The following ROR2 variants were observed in gnomAD, a reference collection of about 807,000 sequenced individuals.
The protein encoded by ROR2 is tyrosine-protein kinase transmembrane receptor ROR2.
Under a neutral mutation model 74.9 loss-of-function variants are expected in ROR2, and 33 were observed. The observed-to-expected ratio is 0.44, with a 90% CI of 0.33 to 0.59. ROR2 has a LOEUF of 0.59. ROR2 is among the 20% of genes least tolerant of loss of function. The probability of loss-of-function intolerance (pLI) is 0.02; values close to 1 mark genes in which losing one functional copy is unlikely to be tolerated. For missense variants in ROR2, 1,216 were observed against 1,313.8 expected, an observed-to-expected ratio of 0.93 and a Z score of 1.15; for synonymous variants, 586 against 558.7, an observed-to-expected ratio of 1.05 and a Z score of -0.69.
chr9:91,862,330 C>CA (rs926042604), intron 1 of ROR2, among the ~76,000 whole-genome samples: 25 of 143,576 alleles, frequency 1.7e-4, no homozygotes, highest in East Asian at 1.4e-3. Context: ...ACTCCATCAC[C>CA]AAAAAAAAAA....
At chr9:91,946,311 G>A (rs895675958) in intron 1 of ROR2, among the ~76,000 whole-genome samples, 14 of 152,200 alleles carry the variant, frequency 9.2e-5, no homozygotes, top group Non-Finnish European at 1.8e-4. Flanking sequence ...ATATCCTAAT[G>A]ACAATGTATG....
At chr9:91,786,354 GTAAATAAA>G (rs35820427) in intron 1 of ROR2, among the ~76,000 whole-genome samples, 42 of 148,698 alleles carry the variant, frequency 2.8e-4, no homozygotes, top group Non-Finnish European at 3.9e-4. Context: ...CAATCAATAA[GTAAATAAA>G]TAAATAAATA....
At chr9:91,926,110 G>A (rs1203680311) in intron 1 of ROR2, among the ~76,000 whole-genome samples, 2 of 152,002 alleles carry the variant, frequency 1.3e-5, no homozygotes, top group African/African-American at 4.8e-5. Context: ...GGCCAGGCGC[G>A]GTGGCTCACG....
intron 1 of ROR2, among the ~76,000 whole-genome samples, chr9:91,947,393 T>C (rs930440617): frequency 6.6e-6 from 1 of 152,168 alleles, no homozygotes; most frequent in Admixed American, 6.5e-5. Flanking sequence ...TACTGAAAAA[T>C]TTCAAATGTG....
At chr9:91,866,227 C>A (rs554637624) in intron 1 of ROR2, among the ~76,000 whole-genome samples, 1 of 152,108 alleles carries the variant, frequency 6.6e-6, no homozygotes, top group Admixed American at 6.5e-5. Context: ...TCAAGTGATT[C>A]TCCTGCCTCA....
intron 2 of ROR2, 145 bp downstream of exon 2, chr9:91,775,595 AG>A: frequency 1.4e-6 from 1 of 733,722 alleles, no homozygotes; most frequent in South Asian, 1.5e-5. Context: ...ACAGGAATCA[AG>A]GTGGCATTCC....
At chr9:91,803,211 A>C (rs1383988236) in intron 1 of ROR2, among the ~76,000 whole-genome samples, 1 of 152,270 alleles carries the variant, frequency 6.6e-6, no homozygotes, top group African/African-American at 2.4e-5. Flanking sequence ...ATTCCACAAC[A>C]GAATATGATT....
chr9:91,919,752 C>T (rs182716660), intron 1 of ROR2, among the ~76,000 whole-genome samples: 13 of 152,216 alleles, frequency 8.5e-5, no homozygotes, highest in African/African-American at 2.9e-4. Context: ...GGGTGGGGGC[C>T]GGAGTGGGGA....
At position 91,725,043 on chromosome 9, in the gene ROR2, A is replaced by G; in HGVS notation, c.1451T>C (p.Phe484Ser). The G allele has an allele frequency of 6.2e-7, 1 of 1,614,014 alleles. No homozygotes were observed. Among genetic ancestry groups the G allele is most frequent in the Non-Finnish European group, 8.5e-7 (1 of 1,180,020 alleles). ...CAGGTGACCTTTGTAGACTTTCCCA[A>G]ACCGGTCCTCTCCCAGCTCCTCCAT... is the stretch of plus-strand genomic sequence containing the variant. ...RFMEELGEDRFGKVYKGHLFG... is the reference protein window; with the variant it reads ...RFMEELGEDRSGKVYKGHLFG... Residue 484 changes from phenylalanine (F) to serine (S), a missense_variant, in exon 9 of 9, where the codon TTT (phenylalanine) becomes TCT (serine). Physicochemically the swap from Phe to Ser is radical, Grantham distance 155. Transcript: ENST00000375708.
chr9:91,944,733 C>T (rs1831967669), intron 1 of ROR2, among the ~76,000 whole-genome samples: 1 of 151,818 alleles, frequency 6.6e-6, no homozygotes, highest in Non-Finnish European at 1.5e-5. Context: ...AATGTTAAGA[C>T]ATCCTGTGTT....
rs114078962 is a variant in ROR2 at position 91,722,776 on chromosome 9, C to A, written c.*886G>T. 2.6e-3 allele frequency: 1,540 copies of A among 600,982 alleles called. 10 individuals are homozygous for A. Among genetic ancestry groups the A allele is most frequent in the African/African-American group, 0.022 (1,181 of 54,362 alleles). The allele number at this position is 600,982 out of a possible 1,614,324, so 37.2% of individuals were successfully genotyped here. Reference sequence around the variant, plus strand: ...CAAACCAAGACCAACTGGATCCCAACGTGGGTAACATAAACAGTTAAATTA... The same window carrying A: ...CAAACCAAGACCAACTGGATCCCAAAGTGGGTAACATAAACAGTTAAATTA... On this transcript the variant is annotated 3_prime_UTR_variant, in exon 9 of 9. Transcript: ENST00000375708.
Position 91,850,727 on chromosome 9 carries a change from G to A in ROR2, c.98-74909C>T, listed in dbSNP as rs563971722. Among the ~76,000 whole-genome samples, 158 of 152,250 alleles carry A rather than the reference G, an allele frequency of 1.0e-3. 1 individual carries two copies. The highest frequency in any genetic ancestry group is 3.4e-3 in the African/African-American group (140 of 41,552). ...CAGCCAGAGGAAATTAACGTAACTCGCAAAGATGAGTCTCTTCTCTAATTT... is the reference window on the plus strand; with the variant it reads ...CAGCCAGAGGAAATTAACGTAACTCACAAAGATGAGTCTCTTCTCTAATTT... On this transcript the variant is annotated intron_variant, in intron 1 of 8. Transcript: ENST00000375708.
At chr9:91,823,348 T>C (rs1035914068) in intron 1 of ROR2, among the ~76,000 whole-genome samples, 10 of 152,068 alleles carry the variant, frequency 6.6e-5, no homozygotes, top group African/African-American at 1.2e-4. Flanking sequence ...CTTTTTTTTT[T>C]TTTCAAGACG....
chr9:91,792,585 G>T (rs569305819), intron 1 of ROR2, among the ~76,000 whole-genome samples: 1 of 152,260 alleles, frequency 6.6e-6, no homozygotes, highest in East Asian at 1.9e-4. Flanking sequence ...TGGGATTACA[G>T]GCATGAGCCA....
chr9:91,948,840 C>T (rs1832084541), intron 1 of ROR2: 1 of 985,446 alleles, frequency 1.0e-6, no homozygotes, highest in South Asian at 4.7e-5. Flanking sequence ...AGGCCCCGCC[C>T]GCCCTCCTCC....
chr9:91,768,868 C>T (rs2118902261), intron 2 of ROR2, among the ~76,000 whole-genome samples: 1 of 152,270 alleles, frequency 6.6e-6, no homozygotes, highest in African/African-American at 2.4e-5. Flanking sequence ...CCAGACAACC[C>T]AATAGGCATT....
intron 1 of ROR2, among the ~76,000 whole-genome samples, chr9:91,823,050 C>A (rs772987474): frequency 2.0e-5 from 3 of 151,934 alleles, no homozygotes. Flanking sequence ...AAGGTAAGAA[C>A]AAAAAGGAAG....
chr9:91,817,329 G>A (rs974440779), intron 1 of ROR2, among the ~76,000 whole-genome samples: 6 of 152,214 alleles, frequency 3.9e-5, no homozygotes, highest in East Asian at 1.9e-4. Context: ...GGAGACCTTC[G>A]TGGGGTCCAG....
intron 1 of ROR2, among the ~76,000 whole-genome samples, chr9:91,940,376 G>A (rs904793211): frequency 6.6e-6 from 1 of 152,200 alleles, no homozygotes; most frequent in Admixed American, 6.5e-5. Context: ...AAAATATACA[G>A]CGGTTCACTG....
Sources: allele counts gnomAD v4.1 joint callset (sites outside exome capture counted in the v4.1 genomes callset), GRCh38; gene constraint gnomAD v4.1.1; transcripts MANE v1.5; gene names NCBI Gene and HGNC (gene_info 2026-07-23, HGNC 2026-07-21).